The following FOXN3 variants were observed in gnomAD, a reference collection of about 807,000 sequenced individuals.
FOXN3 encodes forkhead box N3, also known as forkhead box protein N3.
Under a neutral mutation model 38.4 loss-of-function variants are expected in FOXN3, and 7 were observed. The observed-to-expected ratio is 0.18, with a 90% CI of 0.10 to 0.34. The LOEUF is 0.34. Among genes scored for constraint, FOXN3 ranks in the 10% least tolerant of loss-of-function variants. The pLI, the probability that FOXN3 is intolerant of heterozygous loss-of-function variation, is 1.00. For missense variants in FOXN3, 456 were observed against 613.4 expected, an observed-to-expected ratio of 0.74 and a Z score of 2.71; for synonymous variants, 230 against 242.2, an observed-to-expected ratio of 0.95 and a Z score of 0.47.
At chr14:89,556,454 G>A (rs1453713203) in intron 1 of FOXN3, among the ~76,000 whole-genome samples, 1 of 151,518 alleles carries the variant, frequency 6.6e-6, no homozygotes, top group Non-Finnish European at 1.5e-5. Flanking sequence ...CCTCATCAAT[G>A]TATTAACCTA....
chr14:89,305,775 A>G lies in FOXN3; in HGVS notation c.681-24761T>C, dbSNP rs115459419. ...CCCTGATAAGAATGATTCTTATTAA[A>G]CGGATCTAACTAAATACAATGCATA... On this transcript the variant is annotated intron_variant, in intron 3 of 5. Coordinates refer to ENST00000557258, the MANE Select transcript of FOXN3 (RefSeq NM_005197.4). Among the ~76,000 whole-genome samples the G allele has an allele frequency of 2.9e-3, 444 of 152,322 alleles. 5 individuals carry two copies. Among genetic ancestry groups the G allele is most frequent in the African/African-American group, 9.8e-3 (407 of 41,580 alleles).
At chr14:89,332,018 G>A (rs943118983) in intron 3 of FOXN3, among the ~76,000 whole-genome samples, 5 of 152,106 alleles carry the variant, frequency 3.3e-5, no homozygotes, top group African/African-American at 1.2e-4. Flanking sequence ...GTTATAATGA[G>A]CTGCGTTTCC....
intron 3 of FOXN3, among the ~76,000 whole-genome samples, chr14:89,318,858 G>C (rs1334310824): frequency 6.6e-6 from 1 of 152,186 alleles, no homozygotes; most frequent in East Asian, 1.9e-4. Context: ...CTATTTCATG[G>C]GCAATGTCAA....
chr14:89,575,955 G>C (rs900062799), intron 1 of FOXN3, among the ~76,000 whole-genome samples: 1 of 152,174 alleles, frequency 6.6e-6, no homozygotes, highest in African/African-American at 2.4e-5. Context: ...TCGCTCTGAA[G>C]TTAGGCTAAG....
At chr14:89,236,844 C>G (rs187938051) in intron 4 of FOXN3, among the ~76,000 whole-genome samples, 139 of 152,356 alleles carry the variant, frequency 9.1e-4, no homozygotes, top group African/African-American at 3.1e-3. Context: ...CTTCTGCCCA[C>G]CAAGCATTGC....
chr14:89,291,338 C>G (rs535697682), intron 3 of FOXN3: 3 of 553,280 alleles, frequency 5.4e-6, no homozygotes. Context: ...TCATGAGATG[C>G]CATCAGAAGG....
chr14:89,429,937 T>G (rs1254307102), intron 1 of FOXN3, among the ~76,000 whole-genome samples: 1 of 152,222 alleles, frequency 6.6e-6, no homozygotes, highest in Non-Finnish European at 1.5e-5. Context: ...ATGAGAGAGA[T>G]ACTTGTCTCC....
intron 2 of FOXN3, among the ~76,000 whole-genome samples, chr14:89,398,700 C>T (rs1285967856): frequency 2.6e-5 from 4 of 152,112 alleles, no homozygotes; most frequent in Non-Finnish European, 5.9e-5. Flanking sequence ...TTCATTAGTA[C>T]TGGGCTGGGC....
At position 89,190,661 on chromosome 14, in the gene FOXN3, A is replaced by G. The variant is rs142885376; in HGVS notation, c.746-9855T>C. Among the ~76,000 whole-genome samples the G allele has an allele frequency of 9.0e-3, 1,363 of 152,256 alleles. 22 individuals are homozygous for G. Among genetic ancestry groups the G allele is most frequent in the African/African-American group, 0.031 (1,298 of 41,538 alleles). On this transcript the variant is annotated intron_variant, in intron 4 of 5. Coordinates refer to ENST00000557258, the MANE Select transcript of FOXN3 (RefSeq NM_005197.4). Reference sequence around the variant, plus strand: ...TGAGATTTAAGGATCATGTTAGTAAATTTTTCATCACACAAGCATGGTTTC... The same window carrying G: ...TGAGATTTAAGGATCATGTTAGTAAGTTTTTCATCACACAAGCATGGTTTC...
At chr14:89,286,595 G>C (rs1886635514) in intron 3 of FOXN3, among the ~76,000 whole-genome samples, 1 of 152,170 alleles carries the variant, frequency 6.6e-6, no homozygotes. Context: ...AACAGTCAAC[G>C]CAGTTGTAAC....
intron 4 of FOXN3, among the ~76,000 whole-genome samples, chr14:89,203,466 C>G (rs896668606): frequency 1.3e-5 from 2 of 152,348 alleles, no homozygotes; most frequent in East Asian, 3.9e-4. Flanking sequence ...TGCCCTGTGT[C>G]TGTGGCACCC....
In FOXN3 at chr14:89,230,721, G is replaced by A. The variant is rs887716029; in HGVS notation, c.746-49915C>T. The A allele has an allele frequency of 2.0e-4, 63 of 318,470 alleles. 1 individual carries two copies. Among genetic ancestry groups the A allele is most frequent in the Admixed American group, 1.0e-4 (3 of 29,274 alleles). 19.7% of individuals were successfully genotyped at this position (318,470 alleles called of 1,614,324 possible). On this transcript the variant is annotated intron_variant, in intron 4 of 5. Transcript: ENST00000557258. ...TCCCAAGTATCAAGAACTGCACTAC[G>A]CACACGACAGGCGCCACACACTCTT...
intron 4 of FOXN3, among the ~76,000 whole-genome samples, chr14:89,209,482 T>C (rs535988737): frequency 6.6e-6 from 1 of 152,344 alleles, no homozygotes; most frequent in African/African-American, 2.4e-5. Context: ...TTCAGATAAA[T>C]AGCAGACAAT....
chr14:89,612,963 C>A (rs1251403679), intron 1 of FOXN3, among the ~76,000 whole-genome samples: 4 of 151,526 alleles, frequency 2.6e-5, no homozygotes, highest in Non-Finnish European at 5.9e-5. Flanking sequence ...ACTAAAAATA[C>A]AAAATTAGCC....
chr14:89,530,847 T>C (rs1337096788), intron 1 of FOXN3, among the ~76,000 whole-genome samples: 1 of 150,570 alleles, frequency 6.6e-6, no homozygotes, highest in East Asian at 1.9e-4. Flanking sequence ...TGACGTAAAG[T>C]GATCCACCTG....
chr14:89,491,078 G>T (rs372768846), intron 1 of FOXN3, among the ~76,000 whole-genome samples: 1 of 151,854 alleles, frequency 6.6e-6, no homozygotes, highest in East Asian at 1.9e-4. Context: ...GGGTTCAAGC[G>T]ATTCTCCTGC....
intron 1 of FOXN3, among the ~76,000 whole-genome samples, chr14:89,507,943 C>A (rs980636210): frequency 6.6e-6 from 1 of 152,152 alleles, no homozygotes; most frequent in Non-Finnish European, 1.5e-5. Context: ...TTGATGTTCA[C>A]GCATGGAAAG....
chr14:89,196,152 G>A (rs565622344), intron 4 of FOXN3, among the ~76,000 whole-genome samples: 45 of 152,158 alleles, frequency 3.0e-4, no homozygotes, highest in Non-Finnish European at 5.4e-4. Context: ...ACGGTCACAC[G>A]TCTTAAAGAT....
chr14:89,436,875 G>A (rs1361566919), intron 1 of FOXN3, among the ~76,000 whole-genome samples: 12 of 152,196 alleles, frequency 7.9e-5, no homozygotes, highest in Admixed American at 4.6e-4. Flanking sequence ...GGCCAGGCAC[G>A]GTGGCTCACA....
Sources: allele counts gnomAD v4.1 joint callset (sites outside exome capture counted in the v4.1 genomes callset), GRCh38; gene constraint gnomAD v4.1.1; transcripts MANE v1.5; gene names NCBI Gene and HGNC (gene_info 2026-07-23, HGNC 2026-07-21).